Variants in KLHL42 observed in about 807,000 individuals in gnomAD.
KLHL42 encodes kelch-like protein 42.
KLHL42 carries 27 observed loss-of-function variants against 32.7 expected under a neutral mutation model. The ratio of observed to expected loss-of-function variants is 0.83; its 90% CI spans 0.61 to 1.14. KLHL42 has a LOEUF of 1.14. Among genes scored for constraint, KLHL42 ranks in the 50% most tolerant of loss-of-function variants. The pLI, the probability that KLHL42 is intolerant of heterozygous loss-of-function variation, is 0.00. For missense variants in KLHL42, 491 were observed against 560.8 expected, an observed-to-expected ratio of 0.88 and a Z score of 1.26; for synonymous variants, 267 against 248.2, an observed-to-expected ratio of 1.08 and a Z score of -0.71.
rs541573499 is a variant in KLHL42 at position 27,785,714 on chromosome 12, G to A, written c.872+4512G>A. Among the ~76,000 whole-genome samples, 18 of 151,500 alleles carry A rather than the reference G, an allele frequency of 1.2e-4. No individual in the cohort carries two copies. In the South Asian group the frequency reaches 3.7e-3, roughly 32 times the overall value. ...CTCTGTTGTTGTCTCTCTGCCTTCC[G>A]ATCAGGAACTAGGACTTACTCAATG... On this transcript the variant is annotated intron_variant, in intron 1 of 2. Transcript: ENST00000381271.
rs945653685 is a variant in KLHL42 at position 27,802,225 on chromosome 12, A to G, written c.*4059A>G. 2.0e-5 allele frequency: 3 copies of G among 152,228 alleles called. No individual in the cohort carries two copies. The highest frequency in any genetic ancestry group is 4.4e-5 in the Non-Finnish European group (3 of 68,030). The allele number at this position is 152,228 out of a possible 1,614,324, so 9.4% of individuals were successfully genotyped here. ...AATCACATATAATCTTTATTTAAAA[A>G]TGCTCACCAAGCACTGCAGACTTTG... On this transcript the variant is annotated 3_prime_UTR_variant, in exon 3 of 3. Coordinates refer to ENST00000381271, the MANE Select transcript of KLHL42 (RefSeq NM_020782.2).
intron 1 of KLHL42, among the ~76,000 whole-genome samples, chr12:27,787,468 C>T (rs942013862): frequency 6.8e-6 from 1 of 148,080 alleles, no homozygotes; most frequent in African/African-American, 2.5e-5. Flanking sequence ...GCACTCCAGC[C>T]TGGGCAACAG....
intron 2 of KLHL42, among the ~76,000 whole-genome samples, chr12:27,793,949 G>A (rs1453907690): frequency 6.6e-6 from 1 of 152,206 alleles, no homozygotes; most frequent in Non-Finnish European, 1.5e-5. Context: ...ACATGCTAAC[G>A]TAGCATCCAG....
rs1376490565 is a variant in KLHL42 at position 27,802,727 on chromosome 12, C to T, written c.*4561C>T. 5 of 152,262 alleles carry T rather than the reference C, an allele frequency of 3.3e-5. No individual in the cohort carries two copies. Among genetic ancestry groups the T allele is most frequent in the African/African-American group, 9.7e-5 (4 of 41,300 alleles). 9.4% of individuals were successfully genotyped at this position (152,262 alleles called of 1,614,324 possible). On this transcript the variant is annotated 3_prime_UTR_variant, in exon 3 of 3. Coordinates refer to ENST00000381271, the MANE Select transcript of KLHL42 (RefSeq NM_020782.2). The stretch of plus-strand genomic sequence containing the variant: ...GTAAAGAAAAGGAAAATGTGATTTA[C>T]GTTGTCATTTTTCCTATTAAAAAAA...
chr12:27,789,177 T>C (rs760137206), intron 1 of KLHL42, among the ~76,000 whole-genome samples: 1 of 152,208 alleles, frequency 6.6e-6, no homozygotes, highest in East Asian at 1.9e-4. Flanking sequence ...GAAAGACTTA[T>C]CTCTGCAAGT....
At chr12:27,786,225 CCTT>C (rs1248283435) in intron 1 of KLHL42, among the ~76,000 whole-genome samples, 1 of 152,128 alleles carries the variant, frequency 6.6e-6, no homozygotes, top group Non-Finnish European at 1.5e-5. Flanking sequence ...ACATTTCCCC[CCTT>C]CTTTAAAAAA....
chr12:27,795,592 C>G (rs575409073), intron 2 of KLHL42, among the ~76,000 whole-genome samples: 255 of 151,686 alleles, frequency 1.7e-3, no homozygotes, highest in Non-Finnish European at 3.2e-3. Flanking sequence ...CCTAATAGTT[C>G]CTTGTATTTC....
Position 27,780,703 on chromosome 12 carries a change from G to T in KLHL42, c.373G>T (p.Val125Leu). 6.2e-7 allele frequency: 1 copy of T among 1,610,828 alleles called. No individual in the cohort carries two copies. ...CCTGCTGCAGCTGCTGCTGTCCCAG[G>T]TGCGGCTCAATAACTGCCTGGAGAT... ...TSLLQLLLSQ[V>L]RLNNCLEMYR... is the part of the protein sequence containing the mutation. The change falls in exon 1 of 3, where the codon GTG becomes TTG. Residue 125 changes from valine (V) to leucine (L), a missense_variant. By Grantham distance (32) the Val-to-Leu change is conservative. Transcript: ENST00000381271. This position sits in a 1 kb window ranked among gnomAD's most constrained non-coding sequence, Gnocchi z 8.8.
rs746152104 is a variant in KLHL42, at chr12:27,799,900, TC to T, written c.*1737del. On this transcript the variant is annotated 3_prime_UTR_variant, in exon 3 of 3. Transcript: ENST00000381271. ...GGGTTTCTAAGCTATGCCCATTTAT[TC>T]CCAAATATTAAGCCCTTAAAAAAAT... 183 of 794,894 alleles carry T rather than the reference TC, an allele frequency of 2.3e-4. No homozygotes were observed. The highest frequency in any genetic ancestry group is 2.7e-4 in the Non-Finnish European group (179 of 656,276). The allele number at this position is 794,894 out of a possible 1,614,324, so 49.2% of individuals were successfully genotyped here. A position where few individuals can be genotyped will look rare whatever the true frequency, so the allele number is the denominator to read the frequency against.
At position 27,784,586 on chromosome 12, in the gene KLHL42, T is replaced by C. The variant is rs1020192271; in HGVS notation, c.872+3384T>C. 2.0e-5 allele frequency among the ~76,000 whole-genome samples: 3 copies of C among 152,080 alleles called. No individual in the cohort carries two copies. The South Asian group carries it at 6.2e-4, about 32-fold the overall frequency. On this transcript the variant is annotated intron_variant, in intron 1 of 2. Coordinates refer to ENST00000381271, the MANE Select transcript of KLHL42 (RefSeq NM_020782.2). The stretch of plus-strand genomic sequence containing the variant: ...CTCTCATCGGGCCCGTGAATAGCCA[T>C]TGCACTCCAGCCTGAGCAACATAGT...
At chr12:27,797,189 C>G in intron 2 of KLHL42, 1 of 454,722 alleles carries the variant, frequency 2.2e-6, no homozygotes, top group Non-Finnish European at 4.4e-6. Flanking sequence ...GTTAGAAGGC[C>G]GCAGGTGAGA....
At chr12:27,784,451 T>C (rs1263212138) in intron 1 of KLHL42, among the ~76,000 whole-genome samples, 3 of 151,996 alleles carry the variant, frequency 2.0e-5, no homozygotes, top group Non-Finnish European at 2.9e-5. Flanking sequence ...TGTATGCATG[T>C]TTTAAATTTT....
rs1437818289 is a variant in KLHL42 at position 27,801,709 on chromosome 12, T to C, written c.*3543T>C. 1 of 152,050 alleles carries C rather than the reference T, an allele frequency of 6.6e-6. No individual in the cohort carries two copies. The highest frequency in any genetic ancestry group is 1.9e-4 in the East Asian group (1 of 5,182). 9.4% of individuals were successfully genotyped at this position (152,050 alleles called of 1,614,324 possible). ...GACATCTATTCCCAGTCCATCAGAG[T>C]GAAATGAAGGCTATTTGCCATCCCT... On this transcript the variant is annotated 3_prime_UTR_variant, in exon 3 of 3. Coordinates refer to ENST00000381271, the MANE Select transcript of KLHL42 (RefSeq NM_020782.2).
chr12:27,781,321 C>A lies in KLHL42; in HGVS notation c.872+119C>A, dbSNP rs1057183300. The A allele has an allele frequency of 2.5e-6, 3 of 1,218,606 alleles. No individual in the cohort carries two copies. In the African/African-American group the frequency reaches 4.6e-5, roughly 19 times the overall value. The allele number at this position is 1,218,606 out of a possible 1,614,324, so 75.5% of individuals were successfully genotyped here. A position where few individuals can be genotyped will look rare whatever the true frequency, so the allele number is the denominator to read the frequency against. ...GGGTGTGCTGTGGTGGAAATGACAT[C>A]TTCAGGAATGTTGTTGGCCTTGGCG... On this transcript the variant is annotated intron_variant, in intron 1 of 2. Coordinates refer to ENST00000381271, the MANE Select transcript of KLHL42 (RefSeq NM_020782.2).
intron 1 of KLHL42, 29 bp from the exon 2 acceptor site, chr12:27,791,679 C>G: frequency 6.4e-7 from 1 of 1,571,608 alleles, no homozygotes; most frequent in East Asian, 2.2e-5. Context: ...GAAGAACTAA[C>G]TCTGTGGGCC....
intron 1 of KLHL42, among the ~76,000 whole-genome samples, chr12:27,787,424 TG>T (rs1413973406): frequency 7.2e-6 from 1 of 138,606 alleles, no homozygotes; most frequent in Non-Finnish European, 1.5e-5. Context: ...GAAACCGGGA[TG>T]GGGAGGTTGC....
intron 1 of KLHL42, among the ~76,000 whole-genome samples, chr12:27,790,140 G>A (rs1472447667): frequency 6.6e-6 from 1 of 152,052 alleles, no homozygotes. Context: ...TATTATTTTT[G>A]AAGACATCAT....
In KLHL42 at chr12:27,798,303, TA is replaced by T; in HGVS notation, c.*139del. 1 of 589,770 alleles carries T rather than the reference TA, an allele frequency of 1.7e-6. No homozygotes were observed. The highest frequency in any genetic ancestry group is 2.1e-5 in the South Asian group (1 of 46,740). The allele number at this position is 589,770 out of a possible 1,614,324, so 36.5% of individuals were successfully genotyped here. A position where few individuals can be genotyped will look rare whatever the true frequency, so the allele number is the denominator to read the frequency against. On this transcript the variant is annotated 3_prime_UTR_variant, in exon 3 of 3. Coordinates refer to ENST00000381271, the MANE Select transcript of KLHL42 (RefSeq NM_020782.2). ...ACATATATACAGTAGCAGCTGTAAA[TA>T]AGCTTACTTGAACTAATTACTTGAA...
rs866586196 is a variant in KLHL42 at position 27,780,808 on chromosome 12, G to C, written c.478G>C (p.Val160Leu). The C allele has an allele frequency of 6.2e-7, 1 of 1,613,792 alleles. No individual in the cohort carries two copies. Among genetic ancestry groups the C allele is most frequent in the South Asian group, 1.1e-5 (1 of 91,088 alleles). The change falls in exon 1 of 3, where the codon GTG becomes CTG. Residue 160 changes from valine (V) to leucine (L), a missense_variant. Val to Leu is a conservative substitution (Grantham distance 32, BLOSUM62 1). Around this residue, in one of 4 missense-constraint regions of KLHL42, gnomAD observed 248 missense variants for 329.2 expected, o/e 0.75. Transcript: ENST00000381271. The surrounding 1 kb of genome is among the most constrained non-coding windows in gnomAD (Gnocchi z 8.8). ...LRFMVVHFHE[V>L]LCKPQFHLLG... Reference sequence around the variant, plus strand: ...CTTCATGGTCGTCCACTTCCACGAGGTGCTGTGCAAGCCCCAGTTCCACCT... The same window carrying C: ...CTTCATGGTCGTCCACTTCCACGAGCTGCTGTGCAAGCCCCAGTTCCACCT...
Sources: gnomAD v4.1 joint callset for allele counts (sites outside exome capture counted in the v4.1 genomes callset) on GRCh38, gnomAD v4.1.1 for gene constraint, gnomAD v4.1.1 regional missense constraint, Gnocchi (gnomAD v3.1) non-coding constraint, MANE v1.5 for transcripts, NCBI Gene and HGNC (gene_info 2026-07-23, HGNC 2026-07-21) for gene names.